SH3TC2: variants seen among roughly 807,000 people sequenced by gnomAD.
SH3TC2 encodes SH3 domain and tetratricopeptide repeat-containing protein 2.
SH3TC2 carries 87 observed loss-of-function variants against 124.5 expected under a neutral mutation model. The observed-to-expected ratio is 0.70, with a 90% CI of 0.59 to 0.84. SH3TC2 has a LOEUF of 0.84. SH3TC2 is among the 40% of genes least tolerant of loss of function. The pLI is 0.00. For missense variants in SH3TC2, 1,536 were observed against 1,566.4 expected (o/e 0.98, Z 0.33); for synonymous variants, 634 against 628.5 (o/e 1.01, Z -0.13).
In SH3TC2 at chr5:149,004,987, GT is replaced by G. The variant is rs201226305; in HGVS notation, c.3676-86del. 53 of 1,359,400 alleles carry G rather than the reference GT, an allele frequency of 3.9e-5. 1 individual carries two copies. The highest frequency in any genetic ancestry group is 4.4e-5 in the Non-Finnish European group (43 of 970,492). 84.2% of individuals were successfully genotyped at this position (1,359,400 alleles called of 1,614,324 possible). On this transcript the variant is annotated intron_variant, in intron 16 of 16. Coordinates refer to ENST00000515425, the MANE Select transcript of SH3TC2 (RefSeq NM_024577.4). ...CTAGGAGGCTGTGCTGGCCACTCTAGTTTTTTTTGTTTGTTTGTTTGTTTGT... is the reference window on the plus strand; with the variant it reads ...CTAGGAGGCTGTGCTGGCCACTCTAGTTTTTTTGTTTGTTTGTTTGTTTGT...
chr5:149,021,212 G>A (rs563293885), intron 12 of SH3TC2, among the ~76,000 whole-genome samples: 2 of 152,064 alleles, frequency 1.3e-5, no homozygotes, highest in Admixed American at 1.3e-4. Flanking sequence ...AATCACAAAG[G>A]ATATTAGAAA....
intron 3 of SH3TC2, 167 bp from the exon 4 acceptor site, chr5:149,044,805 A>G: frequency 3.3e-6 from 2 of 609,956 alleles, no homozygotes; most frequent in Non-Finnish European, 5.9e-6. Context: ...ATTGGTTAAA[A>G]TGGAGTACAA....
chr5:148,997,727 G>A lies in SH3TC2; in HGVS notation c.*6984C>T, dbSNP rs751122641. Among the ~76,000 whole-genome samples the A allele has an allele frequency of 6.6e-6, 1 of 151,904 alleles. No homozygotes were observed. Among genetic ancestry groups the A allele is most frequent in the Non-Finnish European group, 1.5e-5 (1 of 67,970 alleles). On this transcript the variant is annotated 3_prime_UTR_variant, in exon 17 of 17. Coordinates refer to ENST00000515425, the MANE Select transcript of SH3TC2 (RefSeq NM_024577.4). ...TTCATTTCCTAGCTCCAGCATCAGA[G>A]GACATGACTTCAAATTTCACCTCGA...
At chr5:149,045,947 G>GT (rs778733376) in intron 3 of SH3TC2, 111 of 418,106 alleles carry the variant, frequency 2.7e-4, no homozygotes, top group South Asian at 5.3e-4. Flanking sequence ...ACCCGGCCTG[G>GT]TTTTTTTATA....
chr5:148,990,318 T>C lies in SH3TC2; in HGVS notation c.*14393A>G, dbSNP rs1753402003. Among the ~76,000 whole-genome samples, 1 of 152,120 alleles carries C rather than the reference T, an allele frequency of 6.6e-6. No individual in the cohort carries two copies. Among genetic ancestry groups the C allele is most frequent in the South Asian group, 2.1e-4 (1 of 4,828 alleles). On this transcript the variant is annotated 3_prime_UTR_variant, in exon 17 of 17. Coordinates refer to ENST00000515425, the MANE Select transcript of SH3TC2 (RefSeq NM_024577.4). ...TATGCCTCTCTGAGCCTTAGTTTCC[T>C]TAGTTTGCTGTAAATGTTCACACCT...
At chr5:149,017,414 AG>A (rs1167888016) in intron 12 of SH3TC2, among the ~76,000 whole-genome samples, 4 of 152,194 alleles carry the variant, frequency 2.6e-5, no homozygotes, top group African/African-American at 9.6e-5. Flanking sequence ...CCTGGAAGGC[AG>A]AGAAGGCATG....
chr5:149,037,609 C>T (rs1421145245), intron 8 of SH3TC2, among the ~76,000 whole-genome samples: 1 of 152,172 alleles, frequency 6.6e-6, no homozygotes, highest in Non-Finnish European at 1.5e-5. Context: ...TCCCTTTCCT[C>T]GTGTACTTCC....
At chr5:149,016,857 G>A (rs1227690529) in intron 12 of SH3TC2, among the ~76,000 whole-genome samples, 4 of 151,242 alleles carry the variant, frequency 2.6e-5, no homozygotes, top group African/African-American at 7.3e-5. Flanking sequence ...CCCAGGAGGC[G>A]GAGGTTGCAG....
intron 9 of SH3TC2, among the ~76,000 whole-genome samples, chr5:149,030,726 C>G (rs1395827198): frequency 6.6e-6 from 1 of 152,226 alleles, no homozygotes; most frequent in Non-Finnish European, 1.5e-5. Flanking sequence ...CCTGAGGGCC[C>G]CTTCAGCAGA....
Position 149,000,469 on chromosome 5 carries a change from T to C in SH3TC2, c.*4242A>G, listed in dbSNP as rs182143850. 9.8e-4 allele frequency among the ~76,000 whole-genome samples: 149 copies of C among 152,388 alleles called. No homozygotes were observed. Among genetic ancestry groups the C allele is most frequent in the African/African-American group, 3.2e-3 (134 of 41,596 alleles). On this transcript the variant is annotated 3_prime_UTR_variant, in exon 17 of 17. Coordinates refer to ENST00000515425, the MANE Select transcript of SH3TC2 (RefSeq NM_024577.4). ...AAGTTAATGCATTATTTTATTTTCA[T>C]TGTATTTGCCATTATTTACATAATT... is the stretch of plus-strand genomic sequence containing the variant.
chr5:149,012,762 G>T (rs1753806044), intron 12 of SH3TC2, 28 bp from the exon 13 acceptor site: 4 of 1,613,832 alleles, frequency 2.5e-6, no homozygotes, highest in Non-Finnish European at 3.4e-6. Context: ...CTTGTGAGGT[G>T]TGAAGGCTCA....
chr5:149,019,952 C>G lies in SH3TC2; in HGVS notation c.3053+6620G>C, dbSNP rs116177959. 6.7e-3 allele frequency among the ~76,000 whole-genome samples: 1,026 copies of G among 152,312 alleles called. 14 individuals carry two copies. Among genetic ancestry groups the G allele is most frequent in the African/African-American group, 0.023 (971 of 41,562 alleles). On this transcript the variant is annotated intron_variant, in intron 12 of 16. Transcript: ENST00000515425. ...ATCTGTTTGGAAGTTCCCTGGAAGC[C>G]TCTGCTCACAGGGCTTGTTTTCCTT...
chr5:149,028,287 T>C lies in SH3TC2; in HGVS notation c.1445A>G (p.His482Arg). ...GGAGAAGTCATAGAGACTCTTAAAG[T>C]GGTCAGCATAACCCTCATGATCCAG... is the stretch of plus-strand genomic sequence containing the variant. ...AFLDHEGYADHFKSLYDFSFS... is the reference protein window; with the variant it reads ...AFLDHEGYADRFKSLYDFSFS... The change falls in exon 11 of 17, where the codon CAC (histidine) becomes CGC (arginine). Residue 482 changes from histidine (H) to arginine (R), a missense_variant. Coordinates refer to ENST00000515425, the MANE Select transcript of SH3TC2 (RefSeq NM_024577.4). The C allele has an allele frequency of 6.2e-7, 1 of 1,613,958 alleles. No individual in the cohort carries two copies.
intron 12 of SH3TC2, chr5:149,026,211 T>A: frequency 3.6e-6 from 1 of 279,324 alleles, no homozygotes; most frequent in Non-Finnish European, 6.9e-6. Context: ...CTGTGACAGG[T>A]GGTTATAGAA....
At position 149,028,247 on chromosome 5, in the gene SH3TC2, A is replaced by T. The variant is rs577826520; in HGVS notation, c.1485T>A (p.Thr495=). Residue 495 remains threonine, a synonymous_variant, in exon 11 of 17, where the codon ACT becomes ACA. Coordinates refer to ENST00000515425, the MANE Select transcript of SH3TC2 (RefSeq NM_024577.4). ...SLYDFSFSFL[T]SSFYSFSEED... ...CCTCAGAGAAGCTATAAAAGGAAGA[A>T]GTGAGGAAAGAGAAGGAGAAGTCAT... 4.3e-6 allele frequency: 7 copies of T among 1,614,028 alleles called. No homozygotes were observed. In the African/African-American group the frequency reaches 9.3e-5, roughly 21 times the overall value.
rs951710509 is a variant in SH3TC2 at position 148,999,891 on chromosome 5, A to T, written c.*4820T>A. 2.6e-5 allele frequency among the ~76,000 whole-genome samples: 4 copies of T among 152,082 alleles called. No individual in the cohort carries two copies. The highest frequency in any genetic ancestry group is 5.9e-5 in the Non-Finnish European group (4 of 67,998). Reference sequence around the variant, plus strand: ...CTCTTTGCTTCCCTGAATCTGCTCCAGCCTCACTGCACTCAGAGTGACCTG... The same window carrying T: ...CTCTTTGCTTCCCTGAATCTGCTCCTGCCTCACTGCACTCAGAGTGACCTG... On this transcript the variant is annotated 3_prime_UTR_variant, in exon 17 of 17. Coordinates refer to ENST00000515425, the MANE Select transcript of SH3TC2 (RefSeq NM_024577.4).
At position 148,992,052 on chromosome 5, in the gene SH3TC2, C is replaced by A. The variant is rs1753427851; in HGVS notation, c.*12659G>T. On this transcript the variant is annotated 3_prime_UTR_variant, in exon 17 of 17. Coordinates refer to ENST00000515425, the MANE Select transcript of SH3TC2 (RefSeq NM_024577.4). Reference sequence around the variant, plus strand: ...TGAGCTAGAGGGTCTCCAAAGCCCACCAGCTGCCACTTTGTATGACATAAA... The same window carrying A: ...TGAGCTAGAGGGTCTCCAAAGCCCAACAGCTGCCACTTTGTATGACATAAA... 6.6e-6 allele frequency among the ~76,000 whole-genome samples: 1 copy of A among 152,188 alleles called. No homozygotes were observed. Among genetic ancestry groups the A allele is most frequent in the Non-Finnish European group, 1.5e-5 (1 of 68,024 alleles).
rs147026615 is a variant in SH3TC2 at position 149,056,902 on chromosome 5, C to T, written c.53-4662G>A. ...AAAAACTGTCATATAGAATAAATTACCTTCGAAAAAAATGTATGATTTTTA... is the reference window on the plus strand; with the variant it reads ...AAAAACTGTCATATAGAATAAATTATCTTCGAAAAAAATGTATGATTTTTA... On this transcript the variant is annotated intron_variant, in intron 1 of 16. Coordinates refer to ENST00000515425, the MANE Select transcript of SH3TC2 (RefSeq NM_024577.4). Among the ~76,000 whole-genome samples, 376 of 152,086 alleles carry T rather than the reference C, an allele frequency of 2.5e-3. 1 individual carries two copies. The highest frequency in any genetic ancestry group is 8.7e-3 in the African/African-American group (359 of 41,496).
chr5:149,053,760 C>G (rs1475849761), intron 1 of SH3TC2, among the ~76,000 whole-genome samples: 2 of 152,030 alleles, frequency 1.3e-5, no homozygotes, highest in Non-Finnish European at 2.9e-5. Flanking sequence ...AAATTAGTGC[C>G]TTTGAACCCC....
Sources: gnomAD v4.1 joint callset for allele counts (sites outside exome capture counted in the v4.1 genomes callset) on GRCh38, gnomAD v4.1.1 for gene constraint, MANE v1.5 for transcripts, NCBI Gene and HGNC (gene_info 2026-07-23, HGNC 2026-07-21) for gene names.